PLB1: variants seen among roughly 807,000 people sequenced by gnomAD.
PLB1 encodes the protein phospholipase B1.
PLB1 carries 242 observed loss-of-function variants against 227.4 expected under a neutral mutation model. The observed-to-expected ratio is 1.06, with a 90% CI of 0.96 to 1.18. The LOEUF (loss-of-function observed/expected upper bound fraction) is 1.18. PLB1 is among the 50% of genes most tolerant of loss of function. The pLI is 0.00. For missense variants in PLB1, 1,858 were observed against 1,816.3 expected (o/e 1.02, Z -0.42); for synonymous variants, 757 against 682.2 (o/e 1.11, Z -1.71).
chr2:28,591,894 C>A, intron 31 of PLB1, 134 bp downstream of exon 31: 2 of 878,544 alleles, frequency 2.3e-6, no homozygotes, highest in South Asian at 1.5e-5. Context: ...CCTGGGTGGT[C>A]ACCTGGGATG....
At chr2:28,533,651 C>G (rs1671307379) in intron 9 of PLB1, among the ~76,000 whole-genome samples, 1 of 152,220 alleles carries the variant, frequency 6.6e-6, no homozygotes, top group Admixed American at 6.5e-5. Context: ...TCTCATCTTA[C>G]ATGCAGACAT....
intron 4 of PLB1, among the ~76,000 whole-genome samples, chr2:28,521,384 A>G (rs921894689): frequency 2.0e-5 from 3 of 152,170 alleles, no homozygotes; most frequent in Admixed American, 1.3e-4. Flanking sequence ...GCACTATTTT[A>G]TATTCCCACC....
At chr2:28,638,564 A>G (rs934135689) in intron 56 of PLB1, among the ~76,000 whole-genome samples, 30 of 152,042 alleles carry the variant, frequency 2.0e-4, no homozygotes, top group African/African-American at 7.0e-4. Flanking sequence ...AAGGGGGCTG[A>G]GAGTAGGGTC....
chr2:28,631,027 G>T (rs554423471), intron 54 of PLB1, among the ~76,000 whole-genome samples: 3 of 151,878 alleles, frequency 2.0e-5, no homozygotes, highest in East Asian at 3.9e-4. Context: ...AATGGCTCAC[G>T]TCTGGTGTCC....
intron 16 of PLB1, 71 bp downstream of exon 16, chr2:28,550,155 C>T (rs1036344719): frequency 1.0e-5 from 12 of 1,199,896 alleles, no homozygotes; most frequent in Middle Eastern, 2.0e-4. Flanking sequence ...CTGAATCTTT[C>T]GAACCTTCCA....
chr2:28,501,570 A>G (rs1300204933), intron 1 of PLB1, among the ~76,000 whole-genome samples: 1 of 152,192 alleles, frequency 6.6e-6, no homozygotes, highest in Non-Finnish European at 1.5e-5. Flanking sequence ...TCGAAGCTAT[A>G]TGAAAAGATG....
At chr2:28,599,773 G>A (rs534758332) in intron 35 of PLB1, among the ~76,000 whole-genome samples, 3 of 151,908 alleles carry the variant, frequency 2.0e-5, no homozygotes, top group East Asian at 3.9e-4. Context: ...CTACCATCAC[G>A]CCCAGCTAAT....
intron 1 of PLB1, among the ~76,000 whole-genome samples, chr2:28,503,131 T>C (rs951416167): frequency 8.5e-5 from 13 of 152,118 alleles, no homozygotes; most frequent in African/African-American, 3.1e-4. Flanking sequence ...TACTTTATTA[T>C]TTTTTTCAAA....
At chr2:28,633,193 A>C in intron 56 of PLB1, 154 bp downstream of exon 56, 1 of 606,200 alleles carries the variant, frequency 1.6e-6, no homozygotes, top group Admixed American at 3.2e-5. Flanking sequence ...GATTAATTCC[A>C]AAGGGAAAAT....
chr2:28,608,955 C>T (rs913487526), intron 43 of PLB1, among the ~76,000 whole-genome samples: 3 of 152,130 alleles, frequency 2.0e-5, no homozygotes, highest in African/African-American at 7.2e-5. Flanking sequence ...TGCTCCGTCT[C>T]CCAGGCTGGA....
chr2:28,566,649 G>A (rs919921329), intron 19 of PLB1, 147 bp from the exon 20 acceptor site: 6 of 837,034 alleles, frequency 7.2e-6, no homozygotes, highest in East Asian at 5.1e-5. Flanking sequence ...TGCTTTTTCC[G>A]TTTTTCTACT....
At chr2:28,641,275 CCCATT>C (rs2148354546) in intron 57 of PLB1, among the ~76,000 whole-genome samples, 1 of 152,298 alleles carries the variant, frequency 6.6e-6, no homozygotes, top group East Asian at 1.9e-4. Context: ...TCTCGGGTCA[CCCATT>C]CCTTCCGAAA....
At chr2:28,541,450 C>G (rs1255854006) in intron 12 of PLB1, among the ~76,000 whole-genome samples, 1 of 152,180 alleles carries the variant, frequency 6.6e-6, no homozygotes, top group Non-Finnish European at 1.5e-5. Context: ...TCTTGTCGTT[C>G]CTAAGCTTCC....
intron 56 of PLB1, among the ~76,000 whole-genome samples, chr2:28,638,580 A>G (rs1331838506): frequency 6.6e-6 from 1 of 152,098 alleles, no homozygotes; most frequent in East Asian, 1.9e-4. Context: ...GGGTCAGGGC[A>G]GAGGAGGAGA....
At position 28,633,052 on chromosome 2, in the gene PLB1, G is replaced by C; in HGVS notation, c.4098+13G>C. 6.2e-7 allele frequency: 1 copy of C among 1,605,216 alleles called. No homozygotes were observed. The highest frequency in any genetic ancestry group is 1.1e-5 in the South Asian group (1 of 90,924). ...CTGGAACAACATGGTGAGCAGCCAAGGGCCTGGTGGGCCTTGTCAAGGGGG... is the reference window on the plus strand; with the variant it reads ...CTGGAACAACATGGTGAGCAGCCAACGGCCTGGTGGGCCTTGTCAAGGGGG... On this transcript the variant is annotated intron_variant, in intron 56 of 57. Coordinates refer to ENST00000327757, the MANE Select transcript of PLB1 (RefSeq NM_153021.5).
At chr2:28,549,043 T>A in intron 15 of PLB1, 112 bp downstream of exon 15, 1 of 889,080 alleles carries the variant, frequency 1.1e-6, no homozygotes, top group Non-Finnish European at 1.8e-6. Flanking sequence ...ATCCTGTTTC[T>A]GTTCTTCTGG....
At chr2:28,500,047 C>T (rs911713772) in intron 1 of PLB1, among the ~76,000 whole-genome samples, 3 of 151,822 alleles carry the variant, frequency 2.0e-5, no homozygotes, top group South Asian at 2.1e-4. Context: ...ATGCTTTTTC[C>T]GTATTTATTG....
intron 14 of PLB1, among the ~76,000 whole-genome samples, chr2:28,545,652 C>T (rs1673139765): frequency 6.6e-6 from 1 of 152,174 alleles, no homozygotes; most frequent in African/African-American, 2.4e-5. Context: ...TATGGGAGGG[C>T]ATTGGGCTCC....
intron 56 of PLB1, among the ~76,000 whole-genome samples, chr2:28,637,126 T>C (rs1358362627): frequency 6.6e-6 from 1 of 151,912 alleles, no homozygotes; most frequent in Non-Finnish European, 1.5e-5. Context: ...AAACCCCATC[T>C]CTACTAAAAA....
Sources: gnomAD v4.1 joint callset for allele counts (sites outside exome capture counted in the v4.1 genomes callset) on GRCh38, gnomAD v4.1.1 for gene constraint, MANE v1.5 for transcripts, NCBI Gene and HGNC (gene_info 2026-07-23, HGNC 2026-07-21) for gene names.